Variants in RANBP2 observed in about 807,000 individuals in gnomAD.
RANBP2 encodes E3 SUMO-protein ligase RanBP2.
RANBP2 carries 57 observed loss-of-function variants against 303.6 expected under a neutral mutation model. That is an observed-to-expected ratio of 0.19 (90% CI 0.15 to 0.23). The LOEUF is 0.23. RANBP2 is among the 10% of genes least tolerant of loss of function. The pLI is 1.00. For missense variants in RANBP2, 3,138 were observed against 3,780.8 expected, an observed-to-expected ratio of 0.83 and a Z score of 4.46; for synonymous variants, 1,167 against 1,301.5, an observed-to-expected ratio of 0.90 and a Z score of 2.23.
At chr2:108,908,605 G>A in the RANBP2 span, among the ~76,000 whole-genome samples, 4 of 152,198 alleles carry the variant, frequency 2.6e-5, no homozygotes, top group South Asian at 2.1e-4. Context: ...GTGGGCGGTC[G>A]GACCCACCAA....
chr2:109,491,237 G>A, the RANBP2 span, among the ~76,000 whole-genome samples: 1 of 152,154 alleles, frequency 6.6e-6, no homozygotes, highest in Non-Finnish European at 1.5e-5. Context: ...GGGAGACTAG[G>A]CAGTGAGTGG....
At chr2:109,647,404 C>T in the RANBP2 span, among the ~76,000 whole-genome samples, 2 of 151,978 alleles carry the variant, frequency 1.3e-5, no homozygotes, top group Admixed American at 6.6e-5. Context: ...CCTTGTGATC[C>T]GCCCACCTCA....
chr2:109,691,255 A>C, the RANBP2 span, among the ~76,000 whole-genome samples: 2 of 152,222 alleles, frequency 1.3e-5, no homozygotes, highest in African/African-American at 4.8e-5. Context: ...CTATTGGGAG[A>C]GAAATTTCTC....
chr2:109,733,869 T>TAA, the RANBP2 span, among the ~76,000 whole-genome samples: 5 of 123,302 alleles, frequency 4.1e-5, no homozygotes, highest in East Asian at 2.3e-4. Flanking sequence ...CAGATCCTGA[T>TAA]AAAAAAAAAA....
At chr2:108,825,174 G>A in the RANBP2 span, among the ~76,000 whole-genome samples, 15 of 152,230 alleles carry the variant, frequency 9.9e-5, no homozygotes, top group Admixed American at 8.5e-4. Context: ...GGAGGTGGGA[G>A]GATGTAAAGT....
At chr2:109,464,961 T>A in the RANBP2 span, among the ~76,000 whole-genome samples, 3 of 152,238 alleles carry the variant, frequency 2.0e-5, no homozygotes, top group Non-Finnish European at 4.4e-5. Context: ...TCCTCTGTGC[T>A]CTGCCTGTTG....
chr2:108,993,178 A>G, the RANBP2 span, among the ~76,000 whole-genome samples: 3 of 152,160 alleles, frequency 2.0e-5, no homozygotes, highest in East Asian at 1.9e-4. Flanking sequence ...GTTGAGAAGG[A>G]AAGTTGACCA....
chr2:109,054,892 C>T, the RANBP2 span, among the ~76,000 whole-genome samples: 1 of 152,274 alleles, frequency 6.6e-6, no homozygotes, highest in East Asian at 1.9e-4. Flanking sequence ...GCACATGGGA[C>T]AGGCAATAGG....
At chr2:109,074,165 G>C in the RANBP2 span, among the ~76,000 whole-genome samples, 4 of 150,708 alleles carry the variant, frequency 2.7e-5, no homozygotes, top group African/African-American at 9.7e-5. Flanking sequence ...TCAGGAGTTT[G>C]AGACCAACCT....
chr2:109,085,669 T>C, the RANBP2 span, among the ~76,000 whole-genome samples: 8 of 147,514 alleles, frequency 5.4e-5, no homozygotes, highest in East Asian at 1.6e-3. Flanking sequence ...GGCACAATCT[T>C]GGCTCACTGC....
At chr2:109,695,047 A>G in the RANBP2 span, among the ~76,000 whole-genome samples, 58 of 152,002 alleles carry the variant, frequency 3.8e-4, no homozygotes, top group African/African-American at 1.3e-3. Flanking sequence ...CTCTGATTCT[A>G]TCTCCTCTCA....
chr2:109,625,429 C>A, the RANBP2 span, among the ~76,000 whole-genome samples: 15 of 149,840 alleles, frequency 1.0e-4, no homozygotes, highest in East Asian at 3.0e-3. Flanking sequence ...CCGAGGCAGG[C>A]GGATCGCGAG....
At chr2:109,104,576 C>T in the RANBP2 span, among the ~76,000 whole-genome samples, 8 of 151,876 alleles carry the variant, frequency 5.3e-5, no homozygotes, top group African/African-American at 1.5e-4. Context: ...CTCCGCCTCC[C>T]GGGTTCGTGC....
the RANBP2 span, among the ~76,000 whole-genome samples, chr2:109,280,680 C>G: frequency 1.3e-5 from 2 of 152,200 alleles, no homozygotes; most frequent in South Asian, 2.1e-4. Flanking sequence ...TGTAAACAAC[C>G]TTTCTGCTTT....
the RANBP2 span, among the ~76,000 whole-genome samples, chr2:109,345,888 T>C: frequency 0.69 from 105,303 of 152,102 alleles, 37,647 homozygotes; most frequent in East Asian, 0.89. Flanking sequence ...GTGTCCCTGG[T>C]CTTTACTTGT....
the RANBP2 span, among the ~76,000 whole-genome samples, chr2:109,370,712 C>T: frequency 1.8e-3 from 277 of 152,260 alleles, 2 homozygotes; most frequent in Non-Finnish European, 2.7e-3. Flanking sequence ...TTTCCTTCCT[C>T]GATGACTGCT....
At chr2:109,276,013 T>C in the RANBP2 span, among the ~76,000 whole-genome samples, 1 of 152,208 alleles carries the variant, frequency 6.6e-6, no homozygotes, top group Non-Finnish European at 1.5e-5. Flanking sequence ...TCTCCAATCC[T>C]GGAGAGGATT....
At chr2:109,212,108 G>A in the RANBP2 span, among the ~76,000 whole-genome samples, 1 of 152,230 alleles carries the variant, frequency 6.6e-6, no homozygotes, top group Non-Finnish European at 1.5e-5. Flanking sequence ...TGGTTGGTGC[G>A]GCTTGCCGGG....
chr2:108,950,642 A>G, the RANBP2 span, among the ~76,000 whole-genome samples: 33 of 152,238 alleles, frequency 2.2e-4, no homozygotes, highest in Non-Finnish European at 3.7e-4. Context: ...ACACACAGCC[A>G]TATGCTGTCC....
Sources: gnomAD v4.1 joint callset for allele counts (sites outside exome capture counted in the v4.1 genomes callset) on GRCh38, gnomAD v4.1.1 for gene constraint, MANE v1.5 for transcripts, NCBI Gene and HGNC (gene_info 2026-07-23, HGNC 2026-07-21) for gene names.